The following RUFY3 variants were observed in gnomAD, a reference collection of about 807,000 sequenced individuals.
RUFY3 encodes protein RUFY3.
Under a neutral mutation model 84.0 loss-of-function variants are expected in RUFY3, and 34 were observed. The observed-to-expected ratio is 0.40, with a 90% CI of 0.31 to 0.54. The LOEUF (loss-of-function observed/expected upper bound fraction) is 0.54, where lower values mean the gene tolerates loss of function less well. Among genes scored for constraint, RUFY3 ranks in the 20% least tolerant of loss-of-function variants. The probability of loss-of-function intolerance (pLI) is 0.39; values close to 1 mark genes in which losing one functional copy is unlikely to be tolerated. For synonymous variants in RUFY3, 242 were observed against 252.9 expected, an observed-to-expected ratio of 0.96 and a Z score of 0.41; for missense variants, 507 against 736.8, an observed-to-expected ratio of 0.69 and a Z score of 3.61.
rs1026843795 is a variant in RUFY3, at chr4:70,733,831, T to G, written c.178+11080T>G. On this transcript the variant is annotated intron_variant, in intron 1 of 17. Coordinates refer to ENST00000381006, the MANE Select transcript of RUFY3 (RefSeq NM_001037442.4). ...TGGATAGTGGAATTATGGGTGATTTTTATAATATTCTTTATATTTCTTTAT... is the reference window on the plus strand; with the variant it reads ...TGGATAGTGGAATTATGGGTGATTTGTATAATATTCTTTATATTTCTTTAT... Among the ~76,000 whole-genome samples the G allele has an allele frequency of 2.4e-4, 36 of 152,332 alleles. 1 individual carries two copies. Among genetic ancestry groups the G allele is most frequent in the African/African-American group, 8.7e-4 (36 of 41,582 alleles).
chr4:70,734,088 T>A (rs1410000143), intron 1 of RUFY3, among the ~76,000 whole-genome samples: 1 of 152,204 alleles, frequency 6.6e-6, no homozygotes, highest in Non-Finnish European at 1.5e-5. Context: ...TTTTTTAATA[T>A]TTCTATTAGG....
chr4:70,770,826 GCTT>G (rs2148729469), intron 5 of RUFY3, among the ~76,000 whole-genome samples: 1 of 152,198 alleles, frequency 6.6e-6, no homozygotes, highest in African/African-American at 2.4e-5. Flanking sequence ...TCTTCACTGA[GCTT>G]AATTTTTTCT....
chr4:70,760,811 T>C (rs1297711052), intron 1 of RUFY3, among the ~76,000 whole-genome samples: 1 of 152,204 alleles, frequency 6.6e-6, no homozygotes, highest in Non-Finnish European at 1.5e-5. Context: ...TATATACCAA[T>C]TCTGACTCTC....
Position 70,721,988 on chromosome 4 carries a change from C to T in RUFY3, c.-586C>T. On this transcript the variant is annotated 5_prime_UTR_variant, in exon 1 of 18. Coordinates refer to ENST00000381006, the MANE Select transcript of RUFY3 (RefSeq NM_001037442.4). ...CAGTTCATTAGTCAGCCATTTTGGT[C>T]AACACCCTGCTTACTGCGCACGGCC... 1 of 1,232,130 alleles carries T rather than the reference C, an allele frequency of 8.1e-7. No individual in the cohort carries two copies. Among genetic ancestry groups the T allele is most frequent in the Non-Finnish European group, 1.0e-6 (1 of 987,978 alleles). The allele number at this position is 1,232,130 out of a possible 1,614,324, so 76.3% of individuals were successfully genotyped here.
intron 1 of RUFY3, among the ~76,000 whole-genome samples, chr4:70,750,679 A>G (rs1286181355): frequency 2.0e-5 from 3 of 152,170 alleles, no homozygotes; most frequent in African/African-American, 7.2e-5. Context: ...CTCTGTACCC[A>G]TTAATAACCA....
rs1392286357 is a variant in RUFY3, at chr4:70,722,037, C to T, written c.-537C>T. 4.9e-6 allele frequency: 6 copies of T among 1,232,080 alleles called. No homozygotes were observed. The East Asian group carries it at 1.3e-4, about 26-fold the overall frequency. 76.3% of individuals were successfully genotyped at this position (1,232,080 alleles called of 1,614,324 possible). A position where few individuals can be genotyped will look rare whatever the true frequency, so the allele number is the denominator to read the frequency against. On this transcript the variant is annotated 5_prime_UTR_variant, in exon 1 of 18. Coordinates refer to ENST00000381006, the MANE Select transcript of RUFY3 (RefSeq NM_001037442.4). ...CCAATCCTATGAGAACTCAGCATCC[C>T]AGCTCATCTGAGCAGATCCTGGAAG...
At chr4:70,737,557 T>C (rs768271466) in intron 1 of RUFY3, among the ~76,000 whole-genome samples, 5 of 152,166 alleles carry the variant, frequency 3.3e-5, no homozygotes, top group Non-Finnish European at 7.4e-5. Flanking sequence ...TGGTCAGGGC[T>C]TTCTTTCCTC....
upstream of RUFY3, among the ~76,000 whole-genome samples, chr4:70,717,964 C>A (rs1741812925): frequency 6.8e-6 from 1 of 146,588 alleles, no homozygotes. Context: ...CTTACTGCAA[C>A]CTCCGCCTCC....
At chr4:70,789,097 C>G (rs1342270420) in intron 11 of RUFY3, 124 bp downstream of exon 11, 4 of 1,435,044 alleles carry the variant, frequency 2.8e-6, no homozygotes, top group East Asian at 2.5e-5. Flanking sequence ...CATTTTGATG[C>G]TAGCTGCCAG....
intron 5 of RUFY3, among the ~76,000 whole-genome samples, chr4:70,771,146 A>C (rs1443093756): frequency 6.6e-6 from 1 of 152,350 alleles, no homozygotes; most frequent in East Asian, 1.9e-4. Flanking sequence ...AAAAGTTTAA[A>C]GTACTGTGAG....
chr4:70,751,083 T>G (rs1723061046), intron 1 of RUFY3, among the ~76,000 whole-genome samples: 1 of 152,210 alleles, frequency 6.6e-6, no homozygotes, highest in South Asian at 2.1e-4. Flanking sequence ...TTTCAGCTCT[T>G]GTTTTAGATT....
chr4:70,711,091 A>G (rs1227063095), intron 1 of RUFY3, among the ~76,000 whole-genome samples: 3 of 147,056 alleles, frequency 2.0e-5, no homozygotes, highest in Non-Finnish European at 4.5e-5. Flanking sequence ...AAAAAAAAAA[A>G]GAAGTATGTC....
exon 1 of RUFY3, chr4:70,705,258 A>AGCGGCGGCGGCG (rs758130707): frequency 1.4e-6 from 2 of 1,437,880 alleles, no homozygotes; most frequent in African/African-American, 3.0e-5. Context: ...GAGCTACCCG[A>AGCGGCGGCGGCG]GCGGCGGCGG....
chr4:70,781,337 G>A (rs1000528558), intron 8 of RUFY3, among the ~76,000 whole-genome samples: 3 of 152,092 alleles, frequency 2.0e-5, no homozygotes, highest in South Asian at 2.1e-4. Flanking sequence ...AAAATTAGCC[G>A]GCTGTTGTGG....
At chr4:70,777,581 C>G (rs1057481565) in intron 7 of RUFY3, among the ~76,000 whole-genome samples, 1 of 152,096 alleles carries the variant, frequency 6.6e-6, no homozygotes, top group African/African-American at 2.4e-5. Context: ...AATATAATGA[C>G]TTTAATGAAC....
chr4:70,762,880 T>C lies in RUFY3; in HGVS notation c.352+188T>C, dbSNP rs113611276. Among the ~76,000 whole-genome samples, 865 of 152,302 alleles carry C rather than the reference T, an allele frequency of 5.7e-3. 14 individuals carry two copies. Among genetic ancestry groups the C allele is most frequent in the African/African-American group, 0.02 (839 of 41,556 alleles). On this transcript the variant is annotated intron_variant, in intron 2 of 17. Transcript: ENST00000381006. ...CAATGGACTTATAGGGCTTTAAAAA[T>C]ACAGATCATTAAATGTTACAGTTGG...
chr4:70,789,633 A>G, intron 12 of RUFY3, 41 bp downstream of exon 12: 1 of 1,594,552 alleles, frequency 6.3e-7, no homozygotes, highest in Non-Finnish European at 8.5e-7. Context: ...TTGGATTGTC[A>G]GTGCTGAAGT....
intron 15 of RUFY3, among the ~76,000 whole-genome samples, chr4:70,800,738 C>T (rs1010072735): frequency 1.3e-5 from 2 of 151,842 alleles, no homozygotes; most frequent in African/African-American, 2.4e-5. Context: ...CAAAATTAGT[C>T]GGGTCTGGTG....
Position 70,807,271 on chromosome 4 carries a change from A to G in RUFY3, c.*612A>G, listed in dbSNP as rs1170014939. 6.6e-6 allele frequency: 1 copy of G among 152,168 alleles called. No homozygotes were observed. Among genetic ancestry groups the G allele is most frequent in the East Asian group, 1.9e-4 (1 of 5,196 alleles). 9.4% of individuals were successfully genotyped at this position (152,168 alleles called of 1,614,324 possible). On this transcript the variant is annotated 3_prime_UTR_variant, in exon 18 of 18. Coordinates refer to ENST00000381006, the MANE Select transcript of RUFY3 (RefSeq NM_001037442.4). ...TAATATGTTATAATTTCAGGACCAG[A>G]ATTTTCTGGTCTTTACCTACAAGGG...
Sources: allele counts gnomAD v4.1 joint callset (sites outside exome capture counted in the v4.1 genomes callset), GRCh38; gene constraint gnomAD v4.1.1; transcripts MANE v1.5; gene names NCBI Gene and HGNC (gene_info 2026-07-23, HGNC 2026-07-21).